Variants in PTPRM observed in about 807,000 individuals in gnomAD.
PTPRM encodes the protein receptor-type tyrosine-protein phosphatase mu.
PTPRM carries 47 observed loss-of-function variants against 186.7 expected under a neutral mutation model. The observed-to-expected ratio is 0.25, with a 90% CI of 0.20 to 0.32. PTPRM has a LOEUF of 0.32. PTPRM is among the 10% of genes least tolerant of loss of function. The pLI is 1.00. For synonymous variants in PTPRM, 668 were observed against 674.9 expected (o/e 0.99, Z 0.16); for missense variants, 1,494 against 1,865.0 (o/e 0.80, Z 3.66).
intron 4 of PTPRM, among the ~76,000 whole-genome samples, chr18:7,921,303 A>C (rs1057453794): frequency 2.6e-5 from 4 of 151,100 alleles, no homozygotes; most frequent in Non-Finnish European, 5.9e-5. Flanking sequence ...TCTGGCTGTA[A>C]ATTTTCAAAT....
intron 7 of PTPRM, among the ~76,000 whole-genome samples, chr18:8,040,350 TG>T (rs1243714983): frequency 6.6e-6 from 1 of 152,266 alleles, no homozygotes; most frequent in African/African-American, 2.4e-5. Flanking sequence ...TCCTGCTTCC[TG>T]TAGGATGGTT....
chr18:8,071,766 T>C (rs2089493269), intron 8 of PTPRM, among the ~76,000 whole-genome samples: 1 of 152,198 alleles, frequency 6.6e-6, no homozygotes, highest in Non-Finnish European at 1.5e-5. Context: ...TGCTACCAGC[T>C]GAAGCTCTCC....
intron 13 of PTPRM, among the ~76,000 whole-genome samples, chr18:8,133,805 T>C (rs1209555369): frequency 1.3e-5 from 2 of 152,154 alleles, no homozygotes; most frequent in Non-Finnish European, 2.9e-5. Flanking sequence ...CTCTTGGATT[T>C]GATTTTGTTT....
intron 1 of PTPRM, among the ~76,000 whole-genome samples, chr18:7,691,849 G>T (rs1028608111): frequency 1.3e-5 from 2 of 151,836 alleles, no homozygotes; most frequent in Admixed American, 1.3e-4. Context: ...GTGGGAGGAT[G>T]GCTAGATCCC....
chr18:7,650,772 G>C (rs2038682671), intron 1 of PTPRM, among the ~76,000 whole-genome samples: 2 of 151,298 alleles, frequency 1.3e-5, no homozygotes, highest in African/African-American at 2.4e-5. Context: ...AAACACACAT[G>C]GGTCCTTTCA....
intron 1 of PTPRM, among the ~76,000 whole-genome samples, chr18:7,689,277 TGTA>T (rs1237587089): frequency 6.6e-6 from 1 of 152,250 alleles, no homozygotes; most frequent in East Asian, 1.9e-4. Context: ...AAGGAGCAGC[TGTA>T]GAAGTCCCTG....
chr18:8,121,962 T>A (rs1376632983), intron 13 of PTPRM: 2 of 152,242 alleles, frequency 1.3e-5, no homozygotes, highest in Non-Finnish European at 2.9e-5. Context: ...TTCCTTTTTT[T>A]CTTCTTCAGT....
At chr18:8,206,934 G>C (rs113058730) in intron 14 of PTPRM, among the ~76,000 whole-genome samples, 15,644 of 152,104 alleles carry the variant, frequency 0.1, 1,035 homozygotes, top group Non-Finnish European at 0.15. Flanking sequence ...GCAGAGATTG[G>C]AGGGGTCCTG....
intron 2 of PTPRM, among the ~76,000 whole-genome samples, chr18:7,849,358 T>C (rs2145919420): frequency 6.6e-6 from 1 of 152,376 alleles, no homozygotes; most frequent in Non-Finnish European, 1.5e-5. Flanking sequence ...CTATACCCTG[T>C]GCTCATTCCC....
chr18:8,019,593 T>A (rs1168328178), intron 7 of PTPRM, among the ~76,000 whole-genome samples: 1 of 151,878 alleles, frequency 6.6e-6, no homozygotes, highest in Non-Finnish European at 1.5e-5. Context: ...TCTTTTCTTT[T>A]CTTTTCTTTT....
chr18:7,570,436 TCTGA>T (rs1205424833), intron 1 of PTPRM, among the ~76,000 whole-genome samples: 2 of 152,238 alleles, frequency 1.3e-5, no homozygotes, highest in South Asian at 2.1e-4. Flanking sequence ...TTCGTTTTCT[TCTGA>T]CTTTCTCACA....
Position 8,211,784 on chromosome 18 carries a change from A to ATT in PTPRM, c.2301-32273_2301-32272insTT, listed in dbSNP as rs1403245846. On this transcript the variant is annotated intron_variant, in intron 14 of 32. Coordinates refer to ENST00000580170, the MANE Select transcript of PTPRM (RefSeq NM_001105244.2). ...TGAGAGTGAAGATGTGGAGTGGGAG[A>ATT]TCTGAAGACAGAGGGGGAGGCATGA... 2.6e-5 allele frequency among the ~76,000 whole-genome samples: 4 copies of ATT among 152,076 alleles called. No individual in the cohort carries two copies. In the East Asian group the frequency reaches 5.8e-4, roughly 22 times the overall value.
intron 1 of PTPRM, among the ~76,000 whole-genome samples, chr18:7,752,484 C>T (rs571881961): frequency 7.2e-5 from 11 of 152,212 alleles, no homozygotes; most frequent in South Asian, 4.1e-4. Context: ...AGTGCGATGG[C>T]GTGATCTCGG....
At chr18:8,158,280 A>G (rs2093162577) in intron 14 of PTPRM, among the ~76,000 whole-genome samples, 2 of 152,246 alleles carry the variant, frequency 1.3e-5, no homozygotes, top group Admixed American at 6.5e-5. Context: ...TGATGTCTCA[A>G]GATGGAGTGT....
chr18:7,748,433 G>T (rs534545242), intron 1 of PTPRM, among the ~76,000 whole-genome samples: 1 of 152,050 alleles, frequency 6.6e-6, no homozygotes, highest in Non-Finnish European at 1.5e-5. Context: ...GTCCTTCTGC[G>T]TGGGATGTGG....
chr18:7,772,014 C>A (rs931735401), intron 1 of PTPRM, among the ~76,000 whole-genome samples: 4 of 152,184 alleles, frequency 2.6e-5, no homozygotes, highest in Non-Finnish European at 5.9e-5. Flanking sequence ...CTCGCAGAAG[C>A]TGAGAATGGA....
rs79029191 is a variant in PTPRM, at chr18:8,053,865, G to A, written c.1133-15821G>A. On this transcript the variant is annotated intron_variant, in intron 7 of 32. Coordinates refer to ENST00000580170, the MANE Select transcript of PTPRM (RefSeq NM_001105244.2). Reference sequence around the variant, plus strand: ...TTTATCTGTTATTGGTGTCTTGTAAGATTTATTCCTGGGCTCCTTATATCA... The same window carrying A: ...TTTATCTGTTATTGGTGTCTTGTAAAATTTATTCCTGGGCTCCTTATATCA... Among the ~76,000 whole-genome samples, 1,455 of 152,124 alleles carry A rather than the reference G, an allele frequency of 9.6e-3. 11 individuals are homozygous for A. The highest frequency in any genetic ancestry group is 0.016 in the South Asian group (76 of 4,820).
chr18:8,199,425 T>C (rs2093822698), intron 14 of PTPRM, among the ~76,000 whole-genome samples: 1 of 152,222 alleles, frequency 6.6e-6, no homozygotes, highest in African/African-American at 2.4e-5. Flanking sequence ...CTGAATAACA[T>C]TGCAAAAGGA....
At position 8,394,039 on chromosome 18, in the gene PTPRM, A is replaced by G. The variant is rs537705885; in HGVS notation, c.4209-437A>G. Among the ~76,000 whole-genome samples, 162 of 152,206 alleles carry G rather than the reference A, an allele frequency of 1.1e-3. 1 individual carries two copies. Among genetic ancestry groups the G allele is most frequent in the African/African-American group, 3.7e-3 (154 of 41,532 alleles). On this transcript the variant is annotated intron_variant, in intron 31 of 32. Transcript: ENST00000580170. ...GATCTCCTGACCTCGTGATCCACCC[A>G]CCTTGGCCTCCCAAAGTGCTGGGAT...
Sources: gnomAD v4.1 joint callset for allele counts (sites outside exome capture counted in the v4.1 genomes callset) on GRCh38, gnomAD v4.1.1 for gene constraint, MANE v1.5 for transcripts, NCBI Gene and HGNC (gene_info 2026-07-23, HGNC 2026-07-21) for gene names.